RBFOX3: variants seen among roughly 807,000 people sequenced by gnomAD.
The protein encoded by RBFOX3 is RNA binding fox-1 homolog 3.
In RBFOX3, 17 loss-of-function variants were observed where a neutral mutation model predicts 48.7. The observed-to-expected ratio is 0.35, with a 90% CI of 0.24 to 0.52. The LOEUF (loss-of-function observed/expected upper bound fraction) is 0.52, where lower values mean the gene tolerates loss of function less well. RBFOX3 is among the 20% of genes least tolerant of loss of function. The pLI is 0.94. For missense variants in RBFOX3, 382 were observed against 497.5 expected, an observed-to-expected ratio of 0.77 and a Z score of 2.21; for synonymous variants, 212 against 209.5, an observed-to-expected ratio of 1.01 and a Z score of -0.10.
At position 79,118,992 on chromosome 17, in the gene RBFOX3, A is replaced by AAG. The variant is rs1414417707; in HGVS notation, c.-33-3245_-33-3244insCT. Among the ~76,000 whole-genome samples, 45 of 143,118 alleles carry AAG rather than the reference A, an allele frequency of 3.1e-4. 1 individual carries two copies. The highest frequency in any genetic ancestry group is 3.5e-3 in the Middle Eastern group (1 of 288). The allele number at this position is 143,118 out of a possible 152,430, so 93.9% of individuals were successfully genotyped here. Reference sequence around the variant, plus strand: ...CCCTGTCTCAAAAAAAAAAAAAAAAAATAAAGAAAATAAAATAAAAAAGAA... The same window carrying AAG: ...CCCTGTCTCAAAAAAAAAAAAAAAAAAGATAAAGAAAATAAAATAAAAAAGAA... On this transcript the variant is annotated intron_variant, in intron 4 of 14. Coordinates refer to ENST00000693108, the MANE Select transcript of RBFOX3 (RefSeq NM_001350451.2).
intron 3 of RBFOX3, among the ~76,000 whole-genome samples, chr17:79,276,484 G>A (rs1398821299): frequency 6.6e-6 from 1 of 152,228 alleles, no homozygotes; most frequent in East Asian, 1.9e-4. Context: ...TCAGGAGTTC[G>A]AGACCAGCCT....
chr17:79,426,891 A>G (rs2067489751), intron 2 of RBFOX3, among the ~76,000 whole-genome samples: 1 of 151,990 alleles, frequency 6.6e-6, no homozygotes, highest in Non-Finnish European at 1.5e-5. Context: ...TTTAGTAGAG[A>G]TGGGGTTTCA....
At chr17:79,331,167 T>C (rs1020739166) in intron 2 of RBFOX3, among the ~76,000 whole-genome samples, 2 of 152,186 alleles carry the variant, frequency 1.3e-5, no homozygotes, top group Non-Finnish European at 2.9e-5. Context: ...TTTATTTCTG[T>C]TCCTTGACAA....
intron 2 of RBFOX3, among the ~76,000 whole-genome samples, chr17:79,415,483 C>A (rs551130541): frequency 2.0e-5 from 3 of 152,214 alleles, no homozygotes; most frequent in African/African-American, 7.2e-5. Context: ...CTGGACATCT[C>A]GGCTCTTGTA....
At chr17:79,289,015 A>G (rs2072657246) in intron 3 of RBFOX3, among the ~76,000 whole-genome samples, 1 of 152,098 alleles carries the variant, frequency 6.6e-6, no homozygotes, top group Admixed American at 6.5e-5. Flanking sequence ...TCTTGCATCC[A>G]TGGGGACAGC....
Position 79,090,815 on chromosome 17 carries a change from T to C in RBFOX3, c.*68A>G. The C allele has an allele frequency of 6.7e-7, 1 of 1,484,410 alleles. No individual in the cohort carries two copies. The highest frequency in any genetic ancestry group is 1.3e-5 in the South Asian group (1 of 76,612). The allele number at this position is 1,484,410 out of a possible 1,614,324, so 92.0% of individuals were successfully genotyped here. On this transcript the variant is annotated 3_prime_UTR_variant, in exon 15 of 15. Coordinates refer to ENST00000693108, the MANE Select transcript of RBFOX3 (RefSeq NM_001350451.2). ...TCTTAACATCTTTTTTTGTTTTTTT[T>C]GTTTTGTGATTTTTTTTGTTTTTTT...
intron 3 of RBFOX3, among the ~76,000 whole-genome samples, chr17:79,240,812 C>T (rs540233343): frequency 1.2e-3 from 188 of 152,074 alleles, no homozygotes; most frequent in Non-Finnish European, 1.7e-3. Context: ...TACAGGCACC[C>T]GCCACCACAC....
intron 2 of RBFOX3, among the ~76,000 whole-genome samples, chr17:79,405,523 C>T (rs2063432119): frequency 6.6e-6 from 1 of 152,070 alleles, no homozygotes; most frequent in South Asian, 2.1e-4. Flanking sequence ...GAGTTCAAGA[C>T]CAGCCTGGGC....
chr17:79,274,054 G>A (rs1438253912), intron 3 of RBFOX3, among the ~76,000 whole-genome samples: 4 of 152,220 alleles, frequency 2.6e-5, no homozygotes, highest in Non-Finnish European at 5.9e-5. Context: ...TGCTGAGCCA[G>A]GGCAGGGGCG....
intron 1 of RBFOX3, among the ~76,000 whole-genome samples, chr17:79,582,498 ATC>A (rs1599215917): frequency 6.6e-6 from 1 of 152,080 alleles, no homozygotes; most frequent in Admixed American, 6.5e-5. Flanking sequence ...TTCTCAATAA[ATC>A]TCTGTTCAAG....
chr17:79,278,230 G>A (rs1221777238), intron 3 of RBFOX3, among the ~76,000 whole-genome samples: 2 of 152,114 alleles, frequency 1.3e-5, no homozygotes, highest in African/African-American at 4.8e-5. Flanking sequence ...CAGGCCTGAC[G>A]GGCTCCCTGG....
chr17:79,414,682 A>G (rs1324480775), intron 2 of RBFOX3, among the ~76,000 whole-genome samples: 2 of 152,192 alleles, frequency 1.3e-5, no homozygotes, highest in African/African-American at 2.4e-5. Flanking sequence ...GAGCTAAGGA[A>G]CTGCTGTGTG....
chr17:79,565,216 G>T (rs2092411142), intron 1 of RBFOX3, among the ~76,000 whole-genome samples: 1 of 151,958 alleles, frequency 6.6e-6, no homozygotes, highest in Non-Finnish European at 1.5e-5. Flanking sequence ...TTAAGGTAAG[G>T]TTATGATTGA....
intron 1 of RBFOX3, among the ~76,000 whole-genome samples, 157 bp downstream of exon 1, chr17:79,610,669 C>T (rs951474205): frequency 0.01 from 1,596 of 152,082 alleles, 28 homozygotes; most frequent in African/African-American, 0.036. Flanking sequence ...GCCACCCCAC[C>T]CCACGCGCCC....
At chr17:79,502,722 G>A (rs951636313) in intron 1 of RBFOX3, among the ~76,000 whole-genome samples, 3 of 152,068 alleles carry the variant, frequency 2.0e-5, no homozygotes, top group Non-Finnish European at 2.9e-5. Flanking sequence ...TTGCCTCTTC[G>A]GCCTTTACCA....
chr17:79,543,602 G>C (rs2090012973), intron 1 of RBFOX3, among the ~76,000 whole-genome samples: 1 of 152,108 alleles, frequency 6.6e-6, no homozygotes, highest in Non-Finnish European at 1.5e-5. Context: ...CTTGATCAGG[G>C]CCTCCGAGGA....
chr17:79,229,369 C>T (rs2060727024), intron 4 of RBFOX3, among the ~76,000 whole-genome samples: 1 of 150,498 alleles, frequency 6.6e-6, no homozygotes, highest in Admixed American at 6.6e-5. Context: ...CCAGCCTGAC[C>T]AACATGGTGA....
intron 1 of RBFOX3, among the ~76,000 whole-genome samples, chr17:79,577,868 G>A (rs1465562793): frequency 1.3e-5 from 2 of 152,222 alleles, no homozygotes; most frequent in African/African-American, 4.8e-5. Context: ...TGAAAAGCTC[G>A]GCAATGCCAG....
intron 4 of RBFOX3, among the ~76,000 whole-genome samples, chr17:79,120,087 G>A (rs2035275279): frequency 6.6e-6 from 1 of 152,190 alleles, no homozygotes; most frequent in Admixed American, 6.5e-5. Flanking sequence ...TGGGTGGTGT[G>A]AGCGGAGGAG....
Sources: gnomAD v4.1 joint callset for allele counts (sites outside exome capture counted in the v4.1 genomes callset) on GRCh38, gnomAD v4.1.1 for gene constraint, MANE v1.5 for transcripts, NCBI Gene and HGNC (gene_info 2026-07-23, HGNC 2026-07-21) for gene names.